Variants in ARHGEF1 observed in about 807,000 individuals in gnomAD.
ARHGEF1 encodes Rho guanine nucleotide exchange factor 1, also known as 115 kDa guanine nucleotide exchange factor.
ARHGEF1 carries 40 observed loss-of-function variants against 119.7 expected under a neutral mutation model. The ratio of observed to expected loss-of-function variants is 0.33; its 90% CI spans 0.26 to 0.44. The LOEUF is 0.44. Among genes scored for constraint, ARHGEF1 ranks in the 20% least tolerant of loss-of-function variants. ARHGEF1 has a pLI of 1.00. For synonymous variants in ARHGEF1, 494 were observed against 521.0 expected (o/e 0.95, Z 0.71); for missense variants, 976 against 1,268.3 (o/e 0.77, Z 3.50).
exon 3 of ARHGEF1, chr19:41,930,038 A>T (rs184994959): frequency 6.6e-6 from 1 of 152,246 alleles, no homozygotes; most frequent in African/African-American, 2.4e-5. Flanking sequence ...CGCAGGGCGC[A>T]TGGAGCACAG....
chr19:41,917,161 T>A lies in ARHGEF1; in HGVS notation c.1866-5931T>A, dbSNP rs1188944837. The stretch of plus-strand genomic sequence containing the variant: ...CTGTCTCTGTCACTGAGGGTCTCTG[T>A]CTGTCTCTGTCAGAGAGGGTCTTTT... On this transcript the variant is annotated intron_variant, in intron 18 of 20. Transcript: ENST00000599589. This position sits in a 1 kb window ranked among gnomAD's most constrained non-coding sequence, Gnocchi z 4.8. Among the ~76,000 whole-genome samples the A allele has an allele frequency of 1.3e-5, 2 of 152,132 alleles. No homozygotes were observed. The highest frequency in any genetic ancestry group is 1.3e-4 in the Admixed American group (2 of 15,272).
chr19:41,894,744 A>ACC, intron 11 of ARHGEF1, 83 bp downstream of exon 11: 1 of 1,277,652 alleles, frequency 7.8e-7, no homozygotes, highest in Non-Finnish European at 9.9e-7. Context: ...CTGAGGGAGG[A>ACC]GGGGCTGGGA....
At chr19:41,890,815 A>C (rs1355204532) in intron 4 of ARHGEF1, 1 of 151,226 alleles carries the variant, frequency 6.6e-6, no homozygotes, top group East Asian at 1.9e-4. Context: ...AATCCAAGCT[A>C]CTCCAGAGGC....
chr19:41,893,114 C>T, intron 7 of ARHGEF1, 160 bp from the exon 8 acceptor site: 1 of 1,078,058 alleles, frequency 9.3e-7, no homozygotes, highest in Non-Finnish European at 1.3e-6. Flanking sequence ...AGAGACCTCC[C>T]TCCCTCTTAT....
chr19:41,914,703 T>C lies in ARHGEF1; in HGVS notation c.1865+7900T>C, dbSNP rs368739952. 3.1e-3 allele frequency among the ~76,000 whole-genome samples: 35 copies of C among 11,286 alleles called. 5 individuals carry two copies. Among genetic ancestry groups the C allele is most frequent in the South Asian group, 0.012 (2 of 164 alleles). The allele number at this position is 11,286 out of a possible 152,430, so 7.4% of individuals were successfully genotyped here. A position where few individuals can be genotyped will look rare whatever the true frequency, so the allele number is the denominator to read the frequency against. ...CCACCATCTCTGTCTCTCCCTCCCCTTCCACCATCTCTGTCTCTCCCTCCC... is the reference window on the plus strand; with the variant it reads ...CCACCATCTCTGTCTCTCCCTCCCCCTCCACCATCTCTGTCTCTCCCTCCC... On this transcript the variant is annotated intron_variant, in intron 18 of 20. Coordinates refer to the ARHGEF1 transcript ENST00000599589.
rs111619677 is a variant in ARHGEF1, at chr19:41,914,675, C to T, written c.1865+7872C>T. ...TCCACCATCTCTGTCTCTCCCTCCC[C>T]TTCCACCATCTCTGTCTCTCCCTCC... On this transcript the variant is annotated intron_variant, in intron 18 of 20. Transcript: ENST00000599589. 3.0e-3 allele frequency among the ~76,000 whole-genome samples: 47 copies of T among 15,884 alleles called. 5 individuals carry two copies. Among genetic ancestry groups the T allele is most frequent in the Non-Finnish European group, 3.5e-3 (33 of 9,338 alleles). 10.4% of individuals were successfully genotyped at this position (15,884 alleles called of 152,430 possible). A position where few individuals can be genotyped will look rare whatever the true frequency, so the allele number is the denominator to read the frequency against.
downstream of ARHGEF1, chr19:41,909,807 G>A: frequency 6.6e-7 from 1 of 1,511,512 alleles, no homozygotes; most frequent in African/African-American, 1.4e-5. This position sits in a 1 kb window ranked among gnomAD's most constrained non-coding sequence, Gnocchi z 5.2. Flanking sequence ...GGGGGCACCA[G>A]AGGGACAGTT....
chr19:41,895,497 C>T lies in ARHGEF1; in HGVS notation c.1015+11C>T. 1 of 1,587,096 alleles carries T rather than the reference C, an allele frequency of 6.3e-7. No homozygotes were observed. The highest frequency in any genetic ancestry group is 8.6e-7 in the Non-Finnish European group (1 of 1,163,460). On this transcript the variant is annotated intron_variant, in intron 12 of 28. Transcript: ENST00000354532. ...CAGACCGGGAACCAGGTGAGAGTTT[C>T]CTGGGCCAGGGCTCCATGAGGCCCG...
At chr19:41,914,169 C>T (rs1461376743) in intron 18 of ARHGEF1, among the ~76,000 whole-genome samples, 1 of 151,194 alleles carries the variant, frequency 6.6e-6, no homozygotes, top group Non-Finnish European at 1.5e-5. Context: ...TCAGATGCCC[C>T]CACCTCCCAT....
rs2074640499 is a variant in ARHGEF1, at chr19:41,903,613, A to G, written c.1840-94A>G. 4 of 1,372,434 alleles carry G rather than the reference A, an allele frequency of 2.9e-6. No individual in the cohort carries two copies. Among genetic ancestry groups the G allele is most frequent in the Non-Finnish European group, 3.1e-6 (3 of 980,706 alleles). 85.0% of individuals were successfully genotyped at this position (1,372,434 alleles called of 1,614,324 possible). On this transcript the variant is annotated intron_variant, in intron 19 of 28. Coordinates refer to ENST00000354532, the MANE Select transcript of ARHGEF1 (RefSeq NM_004706.4). The surrounding 1 kb of genome is among the most constrained non-coding windows in gnomAD (Gnocchi z 4.2). The stretch of plus-strand genomic sequence containing the variant: ...CCAACCCTCAGCTTGCCCGCATCAG[A>G]AGTTGGTCTTGGCTCTCATCTTACC...
chr19:41,892,950 G>C lies in ARHGEF1; in HGVS notation c.614+101G>C. The C allele has an allele frequency of 3.5e-6, 5 of 1,414,906 alleles. No homozygotes were observed. Among genetic ancestry groups the C allele is most frequent in the Non-Finnish European group, 4.6e-6 (5 of 1,083,040 alleles). The allele number at this position is 1,414,906 out of a possible 1,614,324, so 87.6% of individuals were successfully genotyped here. A position where few individuals can be genotyped will look rare whatever the true frequency, so the allele number is the denominator to read the frequency against. On this transcript the variant is annotated intron_variant, in intron 7 of 28. Transcript: ENST00000354532. This position sits in a 1 kb window ranked among gnomAD's most constrained non-coding sequence, Gnocchi z 6.3. ...ATCCCGTTTGCAGGTTCCCTCTTCA[G>C]GGTCAGAGTTCATTTCTTGGCACTG...
chr19:41,896,916 C>T (rs1568817629), intron 13 of ARHGEF1: 1 of 347,948 alleles, frequency 2.9e-6, no homozygotes, highest in Non-Finnish European at 5.6e-6. Flanking sequence ...CTTCTCTCAC[C>T]TCCCTCTTCC....
At chr19:41,901,786 C>G in intron 14 of ARHGEF1, 101 bp from the exon 15 acceptor site, 1 of 1,420,842 alleles carries the variant, frequency 7.0e-7, no homozygotes, top group Non-Finnish European at 9.4e-7. Context: ...TTCTAGGAAG[C>G]TTTCCTCCCT....
Position 41,905,450 on chromosome 19 carries a change from A to C in ARHGEF1, c.2336+189A>C, listed in dbSNP as rs1210961622. On this transcript the variant is annotated intron_variant, in intron 24 of 28. Coordinates refer to ENST00000354532, the MANE Select transcript of ARHGEF1 (RefSeq NM_004706.4). This position sits in a 1 kb window ranked among gnomAD's most constrained non-coding sequence, Gnocchi z 6.4. ...GCATATATAGTGTGTGTATGCATGC[A>C]TGTGTGCGTGTGCATGTGTGTGCGT... 3.2e-6 allele frequency: 2 copies of C among 625,772 alleles called. No individual in the cohort carries two copies. The highest frequency in any genetic ancestry group is 5.6e-6 in the Non-Finnish European group (2 of 359,290). The allele number at this position is 625,772 out of a possible 1,614,324, so 38.8% of individuals were successfully genotyped here.
At chr19:41,913,863 G>A (rs1334194893) in intron 18 of ARHGEF1, among the ~76,000 whole-genome samples, 1 of 131,576 alleles carries the variant, frequency 7.6e-6, no homozygotes, top group Non-Finnish European at 1.6e-5. Flanking sequence ...CGCTGCCCTC[G>A]CGCTCCCGAG....
intron 18 of ARHGEF1, among the ~76,000 whole-genome samples, chr19:41,914,546 T>C (rs112399906): frequency 0.026 from 3,068 of 118,288 alleles, 101 homozygotes; most frequent in African/African-American, 0.054. Context: ...CTATCCGTCT[T>C]TCCCTCCCCT....
At chr19:41,895,573 G>C in intron 12 of ARHGEF1, 87 bp downstream of exon 12, 1 of 1,432,878 alleles carries the variant, frequency 7.0e-7, no homozygotes, top group African/African-American at 1.4e-5. Context: ...CCAGATAGAA[G>C]CCATTCCCCA....
Position 41,906,993 on chromosome 19 carries a change from C to A in ARHGEF1, c.*18-112C>A. 1 of 1,111,660 alleles carries A rather than the reference C, an allele frequency of 9.0e-7. No individual in the cohort carries two copies. The highest frequency in any genetic ancestry group is 1.2e-6 in the Non-Finnish European group (1 of 806,300). 68.9% of individuals were successfully genotyped at this position (1,111,660 alleles called of 1,614,324 possible). On this transcript the variant is annotated intron_variant, in intron 28 of 28. Transcript: ENST00000354532. This position sits in a 1 kb window ranked among gnomAD's most constrained non-coding sequence, Gnocchi z 4.5. The stretch of plus-strand genomic sequence containing the variant: ...TTTCTCTGTCTCTGTGCCCGCCTGC[C>A]TCTCCCCACCTCCCCTTCTCTCTCT...
In ARHGEF1 at chr19:41,905,011, G is replaced by T; in HGVS notation, c.2224G>T (p.Ala742Ser). 1 of 1,614,194 alleles carries T rather than the reference G, an allele frequency of 6.2e-7. No homozygotes were observed. Among genetic ancestry groups the T allele is most frequent in the Non-Finnish European group, 8.5e-7 (1 of 1,180,008 alleles). Residue 742 changes from alanine (A) to serine (S), a missense_variant, in exon 23 of 29, where the codon GCA (alanine) becomes TCA (serine). Physicochemically the swap from Ala to Ser is moderately conservative, Grantham distance 99 (BLOSUM62 1). Transcript: ENST00000354532. This position sits in a 1 kb window ranked among gnomAD's most constrained non-coding sequence, Gnocchi z 6.4. ...DQEAQIYELVAQTVSERKNWC... is the reference protein window; with the variant it reads ...DQEAQIYELVSQTVSERKNWC... ...GGAGGCCCAGATATACGAGCTGGTG[G>T]CACAGACTGTGTCGGAGCGGAAAAA... is the stretch of plus-strand genomic sequence containing the variant.
Sources: gnomAD v4.1 joint callset for allele counts (sites outside exome capture counted in the v4.1 genomes callset) on GRCh38, gnomAD v4.1.1 for gene constraint, Gnocchi (gnomAD v3.1) non-coding constraint, MANE v1.5 for transcripts, NCBI Gene and HGNC (gene_info 2026-07-23, HGNC 2026-07-21) for gene names.